Variants in ARHGAP24 observed in about 807,000 individuals in gnomAD.
ARHGAP24 encodes Rho GTPase activating protein 24, also known as rho GTPase-activating protein 24.
In ARHGAP24, 50 loss-of-function variants were observed where a neutral mutation model predicts 76.4. That is an observed-to-expected ratio of 0.65 (90% CI 0.52 to 0.83). The LOEUF is 0.83. Among genes scored for constraint, ARHGAP24 ranks in the 40% least tolerant of loss-of-function variants. The pLI is 0.00. For synonymous variants in ARHGAP24, 345 were observed against 323.3 expected (o/e 1.07, Z -0.72); for missense variants, 930 against 914.2 (o/e 1.02, Z -0.22).
intron 7 of ARHGAP24, among the ~76,000 whole-genome samples, chr4:85,976,735 G>T (rs949403757): frequency 6.7e-6 from 1 of 148,398 alleles, no homozygotes; most frequent in Non-Finnish European, 1.5e-5. Context: ...GCAATTTTTG[G>T]TATCATTAGA....
chr4:85,817,708 A>T lies in ARHGAP24; in HGVS notation c.268+95736A>T, dbSNP rs983405915. Among the ~76,000 whole-genome samples, 4 of 152,220 alleles carry T rather than the reference A, an allele frequency of 2.6e-5. No homozygotes were observed. The East Asian group carries it at 7.7e-4, about 29-fold the overall frequency. On this transcript the variant is annotated intron_variant, in intron 3 of 9. Coordinates refer to ENST00000395184, the MANE Select transcript of ARHGAP24 (RefSeq NM_001025616.3). ...AGTGAAGGTAATCCTTTCTATGTAG[A>T]CTTTAACTGGGGTATTTAATACAAA...
intron 3 of ARHGAP24, among the ~76,000 whole-genome samples, chr4:85,855,368 CAGG>C (rs1731491406): frequency 1.3e-5 from 2 of 152,308 alleles, no homozygotes; most frequent in South Asian, 4.1e-4. Flanking sequence ...TGATCAAATA[CAGG>C]ACCAGAATGT....
chr4:85,942,489 A>G, intron 5 of ARHGAP24: 1 of 533,422 alleles, frequency 1.9e-6, no homozygotes. Context: ...ATCTTAAAAC[A>G]TTTTTTTTGT....
chr4:85,535,856 A>C, intron 1 of ARHGAP24, among the ~76,000 whole-genome samples: 1 of 152,044 alleles, frequency 6.6e-6, no homozygotes, highest in South Asian at 2.1e-4. Context: ...TTGCTAGTTC[A>C]TTCTCATTAG....
rs60635375 is a variant in ARHGAP24 at position 85,750,485 on chromosome 4, C to CTTT, written c.268+28541_268+28543dup. Among the ~76,000 whole-genome samples the CTTT allele has an allele frequency of 5.0e-3, 309 of 61,644 alleles. 37 individuals carry two copies. The highest frequency in any genetic ancestry group is 0.02 in the African/African-American group (291 of 14,560). The allele number at this position is 61,644 out of a possible 152,430, so 40.4% of individuals were successfully genotyped here. On this transcript the variant is annotated intron_variant, in intron 3 of 9. Coordinates refer to ENST00000395184, the MANE Select transcript of ARHGAP24 (RefSeq NM_001025616.3). ...GGGATTAACATGACTCTTTTCATTC[C>CTTT]TTTTTTTTTTTTTTTTTTTTTTTTT... is the stretch of plus-strand genomic sequence containing the variant.
intron 2 of ARHGAP24, among the ~76,000 whole-genome samples, chr4:85,590,091 A>T (rs1033169450): frequency 2.0e-5 from 3 of 152,194 alleles, no homozygotes; most frequent in African/African-American, 7.2e-5. Flanking sequence ...AAAGATGCTA[A>T]TGTTTAGCAA....
intron 1 of ARHGAP24, among the ~76,000 whole-genome samples, chr4:85,562,097 G>C (rs1451757218): frequency 6.6e-6 from 1 of 152,190 alleles, no homozygotes; most frequent in Non-Finnish European, 1.5e-5. Flanking sequence ...GGGCCATATA[G>C]GCCGTGACAA....
At chr4:85,864,739 C>T (rs1732098717) in intron 3 of ARHGAP24, among the ~76,000 whole-genome samples, 1 of 151,822 alleles carries the variant, frequency 6.6e-6, no homozygotes, top group Non-Finnish European at 1.5e-5. Context: ...CGCCCATCTG[C>T]AATGAGTAAG....
At chr4:85,753,187 C>T (rs181603049) in intron 3 of ARHGAP24, among the ~76,000 whole-genome samples, 3 of 152,134 alleles carry the variant, frequency 2.0e-5, no homozygotes, top group Admixed American at 6.5e-5. Context: ...AAAGCCCATT[C>T]GAGAATGAAA....
chr4:85,481,845 G>T (rs1722828176), intron 1 of ARHGAP24, among the ~76,000 whole-genome samples: 1 of 152,186 alleles, frequency 6.6e-6, no homozygotes, highest in African/African-American at 2.4e-5. Context: ...GAGAAAAGAA[G>T]AAAAGTTGGG....
intron 1 of ARHGAP24, among the ~76,000 whole-genome samples, chr4:85,531,203 T>A (rs1725245763): frequency 6.6e-6 from 1 of 152,042 alleles, no homozygotes. Context: ...AAAATGAAGA[T>A]TCAACAACAG....
At chr4:85,758,466 A>G (rs1386811438) in intron 3 of ARHGAP24, among the ~76,000 whole-genome samples, 1 of 152,188 alleles carries the variant, frequency 6.6e-6, no homozygotes, top group Non-Finnish European at 1.5e-5. Flanking sequence ...GCTCATGAGG[A>G]GCTGAAGTCC....
chr4:85,562,568 T>G (rs764025463), intron 1 of ARHGAP24, among the ~76,000 whole-genome samples: 1 of 152,180 alleles, frequency 6.6e-6, no homozygotes, highest in Non-Finnish European at 1.5e-5. Flanking sequence ...TGTTTGTCCT[T>G]GACTCTTGCC....
intron 1 of ARHGAP24, among the ~76,000 whole-genome samples, chr4:85,568,333 T>C (rs1276922379): frequency 6.6e-6 from 1 of 151,810 alleles, no homozygotes; most frequent in Admixed American, 6.6e-5. Context: ...GGCGTGTGTG[T>C]GTGGTGGAAT....
chr4:85,672,165 T>C (rs1722836098), intron 2 of ARHGAP24, among the ~76,000 whole-genome samples: 1 of 152,174 alleles, frequency 6.6e-6, no homozygotes, highest in South Asian at 2.1e-4. Context: ...TTAAAAATAC[T>C]TAGCCCTGTA....
chr4:85,846,152 G>A (rs778906674), intron 3 of ARHGAP24, among the ~76,000 whole-genome samples: 92 of 152,012 alleles, frequency 6.1e-4, no homozygotes, highest in Non-Finnish European at 1.2e-3. Context: ...TGATCCGCCC[G>A]CCTCGGCCTC....
intron 2 of ARHGAP24, among the ~76,000 whole-genome samples, chr4:85,633,260 C>A (rs1414410955): frequency 6.6e-6 from 1 of 151,970 alleles, no homozygotes; most frequent in East Asian, 1.9e-4. Flanking sequence ...ATCTGTCAGT[C>A]TGATTGTAAA....
chr4:85,708,017 A>G (rs974500469), intron 2 of ARHGAP24, among the ~76,000 whole-genome samples: 8 of 152,170 alleles, frequency 5.3e-5, no homozygotes, highest in South Asian at 2.1e-4. Context: ...CAGAACTTGG[A>G]CTAGTTTTAG....
At chr4:85,667,694 A>G (rs1158870257) in intron 2 of ARHGAP24, among the ~76,000 whole-genome samples, 1 of 152,150 alleles carries the variant, frequency 6.6e-6, no homozygotes, top group Non-Finnish European at 1.5e-5. Flanking sequence ...TTCATAAGTT[A>G]TTTTACTGAT....
Sources: allele counts gnomAD v4.1 joint callset (sites outside exome capture counted in the v4.1 genomes callset), GRCh38; gene constraint gnomAD v4.1.1; transcripts MANE v1.5; gene names NCBI Gene and HGNC (gene_info 2026-07-23, HGNC 2026-07-21).